PCDH15: variants seen among roughly 807,000 people sequenced by gnomAD.
The protein encoded by PCDH15 is protocadherin related 15.
In PCDH15, 129 loss-of-function variants were observed where a neutral mutation model predicts 178.5. The ratio of observed to expected loss-of-function variants is 0.72; its 90% CI spans 0.63 to 0.84. PCDH15 has a LOEUF of 0.84. Ranked by LOEUF, PCDH15 falls within the 40% of genes least tolerant of loss-of-function variation. PCDH15 has a pLI of 0.00. For missense variants in PCDH15, 2,230 were observed against 2,099.9 expected, an observed-to-expected ratio of 1.06 and a Z score of -1.21; for synonymous variants, 800 against 732.0, an observed-to-expected ratio of 1.09 and a Z score of -1.50.
In PCDH15 at chr10:54,938,410, C is replaced by T. The variant is rs146408068; in HGVS notation, c.-79-40910G>A. Among the ~76,000 whole-genome samples the T allele has an allele frequency of 5.1e-4, 77 of 151,320 alleles. No individual in the cohort carries two copies. The East Asian group carries it at 0.012, about 23-fold the overall frequency. ...ATAGTTTTACTTACTCGTAATATTT[C>T]GGTTTAGCTTTCACATGCCAGCAAT... On this transcript the variant is annotated intron_variant, in intron 2 of 5. Coordinates refer to the PCDH15 transcript ENST00000458638.
chr10:54,366,968 T>G (rs1946907759), intron 5 of PCDH15, among the ~76,000 whole-genome samples: 1 of 152,144 alleles, frequency 6.6e-6, no homozygotes. Flanking sequence ...TTACCTTTCC[T>G]ATAAATTTTA....
chr10:55,069,223 G>C (rs888423491), intron 2 of PCDH15, among the ~76,000 whole-genome samples: 2 of 133,598 alleles, frequency 1.5e-5, no homozygotes, highest in Admixed American at 7.5e-5. Flanking sequence ...TTGATGTTCT[G>C]TTAGATTTGG....
At chr10:54,393,807 GC>G (rs1950850409) in intron 3 of PCDH15, among the ~76,000 whole-genome samples, 1 of 152,042 alleles carries the variant, frequency 6.6e-6, no homozygotes, top group Non-Finnish European at 1.5e-5. Flanking sequence ...TAACACAATG[GC>G]ACAATTGTTA....
chr10:55,248,454 T>C (rs1249975082), intron 1 of PCDH15, among the ~76,000 whole-genome samples: 2 of 152,222 alleles, frequency 1.3e-5, no homozygotes, highest in African/African-American at 4.8e-5. Context: ...ATCTATTCAA[T>C]TCATCTGTAA....
intron 1 of PCDH15, among the ~76,000 whole-genome samples, chr10:55,260,280 T>C (rs1278933777): frequency 6.6e-6 from 1 of 152,024 alleles, no homozygotes; most frequent in African/African-American, 2.4e-5. Flanking sequence ...AATTTGATTA[T>C]TTCTGTTTTC....
At chr10:54,973,557 A>T (rs1838989941) in intron 2 of PCDH15, among the ~76,000 whole-genome samples, 1 of 152,202 alleles carries the variant, frequency 6.6e-6, no homozygotes, top group Non-Finnish European at 1.5e-5. Context: ...GCCTGCTTGC[A>T]GTAGTTTCAG....
chr10:53,834,467 A>G lies in PCDH15; in HGVS notation c.3984-2934T>C, dbSNP rs571895975. Reference sequence around the variant, plus strand: ...GATCCCGTTTTTCCACTGCTTACTTATCCTAAAAAAGAGATAGATCTGCCC... The same window carrying G: ...GATCCCGTTTTTCCACTGCTTACTTGTCCTAAAAAAGAGATAGATCTGCCC... On this transcript the variant is annotated intron_variant, in intron 29 of 37. Transcript: ENST00000644397. 2.5e-4 allele frequency among the ~76,000 whole-genome samples: 37 copies of G among 150,014 alleles called. No homozygotes were observed. In the South Asian group the frequency reaches 7.4e-3, roughly 30 times the overall value.
chr10:55,499,772 T>C (rs1232448870), intron 2 of PCDH15, among the ~76,000 whole-genome samples: 1 of 151,754 alleles, frequency 6.6e-6, no homozygotes, highest in Non-Finnish European at 1.5e-5. Context: ...TAACTTGAAG[T>C]ACAATATTAA....
chr10:55,093,926 AC>A (rs1842380845), intron 2 of PCDH15, among the ~76,000 whole-genome samples: 1 of 152,092 alleles, frequency 6.6e-6, no homozygotes, highest in African/African-American at 2.4e-5. Flanking sequence ...AAATAGGAAC[AC>A]TTTTACACTG....
intron 2 of PCDH15, among the ~76,000 whole-genome samples, chr10:55,533,206 A>G (rs763566565): frequency 6.6e-6 from 1 of 152,046 alleles, no homozygotes; most frequent in Non-Finnish European, 1.5e-5. Flanking sequence ...TATTTAGCAT[A>G]GTATTGGAAT....
chr10:54,550,962 C>G (rs1282736569), intron 2 of PCDH15, among the ~76,000 whole-genome samples: 1 of 151,588 alleles, frequency 6.6e-6, no homozygotes, highest in Non-Finnish European at 1.5e-5. Context: ...TCATGACCAA[C>G]CTGGCAAACA....
intron 3 of PCDH15, among the ~76,000 whole-genome samples, chr10:54,439,923 G>A (rs1309363126): frequency 6.6e-6 from 1 of 152,032 alleles, no homozygotes; most frequent in African/African-American, 2.4e-5. Context: ...TTTAGTATAT[G>A]AACTACGAAT....
At chr10:54,399,286 TATA>T (rs1951640557) in intron 3 of PCDH15, among the ~76,000 whole-genome samples, 1 of 151,486 alleles carries the variant, frequency 6.6e-6, no homozygotes, top group South Asian at 2.1e-4. Context: ...TATGATTAAA[TATA>T]ATATAAATAT....
chr10:54,807,705 A>G (rs908539986), intron 3 of PCDH15, among the ~76,000 whole-genome samples: 3 of 148,256 alleles, frequency 2.0e-5, no homozygotes, highest in African/African-American at 7.3e-5. Flanking sequence ...TATATAATAT[A>G]TTGATAATAT....
chr10:54,718,635 A>G (rs943243480), intron 1 of PCDH15, among the ~76,000 whole-genome samples: 3 of 151,954 alleles, frequency 2.0e-5, no homozygotes, highest in Non-Finnish European at 2.9e-5. Flanking sequence ...AACAACTATG[A>G]AAGTATGAAA....
chr10:54,810,729 A>G (rs185494287), intron 3 of PCDH15, among the ~76,000 whole-genome samples: 465 of 152,058 alleles, frequency 3.1e-3, no homozygotes, highest in Non-Finnish European at 3.6e-3. Context: ...AGCTAATTTT[A>G]TTTTTCTCCT....
At chr10:54,823,203 A>G (rs1473664913) in intron 3 of PCDH15, among the ~76,000 whole-genome samples, 1 of 27,522 alleles carries the variant, frequency 3.6e-5, no homozygotes, top group Non-Finnish European at 8.0e-5. Context: ...AAACACCAGC[A>G]TAAACACACA....
chr10:54,763,683 T>G (rs936429554), intron 1 of PCDH15, among the ~76,000 whole-genome samples: 2 of 150,710 alleles, frequency 1.3e-5, no homozygotes, highest in African/African-American at 2.4e-5. Flanking sequence ...GAATTGATTT[T>G]TACGTGTGGT....
At chr10:55,012,110 G>T (rs1286159644) in intron 2 of PCDH15, among the ~76,000 whole-genome samples, 1 of 151,986 alleles carries the variant, frequency 6.6e-6, no homozygotes, top group East Asian at 1.9e-4. Context: ...TTTTCTGAAA[G>T]TTACTTTGTA....
Sources: gnomAD v4.1 joint callset for allele counts (sites outside exome capture counted in the v4.1 genomes callset) on GRCh38, gnomAD v4.1.1 for gene constraint, MANE v1.5 for transcripts, NCBI Gene and HGNC (gene_info 2026-07-23, HGNC 2026-07-21) for gene names.